The following TOMM34 variants were observed in gnomAD, a reference collection of about 807,000 sequenced individuals.
TOMM34 encodes mitochondrial import receptor subunit TOM34.
TOMM34 carries 24 observed loss-of-function variants against 37.4 expected under a neutral mutation model. The observed-to-expected ratio is 0.64, with a 90% CI of 0.46 to 0.90. The LOEUF (loss-of-function observed/expected upper bound fraction) is 0.90. Ranked by LOEUF, TOMM34 falls within the 40% of genes least tolerant of loss-of-function variation. TOMM34 has a pLI of 0.00. For missense variants in TOMM34, 304 were observed against 375.6 expected, an observed-to-expected ratio of 0.81 and a Z score of 1.58; for synonymous variants, 154 against 148.9, an observed-to-expected ratio of 1.03 and a Z score of -0.25.
At chr20:44,957,193 C>T (rs149264064) in intron 1 of TOMM34, among the ~76,000 whole-genome samples, 129 of 152,254 alleles carry the variant, frequency 8.5e-4, no homozygotes, top group African/African-American at 2.9e-3. Flanking sequence ...TCTTTATTTA[C>T]GTATTTTTTT....
intron 5 of TOMM34, among the ~76,000 whole-genome samples, chr20:44,945,535 C>T (rs1024278178): frequency 6.6e-6 from 1 of 152,210 alleles, no homozygotes; most frequent in Non-Finnish European, 1.5e-5. Flanking sequence ...AAGCCAACTA[C>T]TCTGAGGCCA....
chr20:44,956,436 T>C lies in TOMM34; in HGVS notation c.177A>G (p.Ala59=), dbSNP rs376968194. ...EESVLYSNRA[A]CHLKDGNCRD... is the part of the protein sequence containing the mutation. The stretch of plus-strand genomic sequence containing the variant: ...TGCAGTTTCCATCCTTCAAGTGACA[T>C]GCTGCTCGGTTGGAGTAGAGAACAC... Residue 59 remains alanine (A), a synonymous_variant, in exon 2 of 7, where the codon GCA becomes GCG. Transcript: ENST00000372813. 9 of 1,614,238 alleles carry C rather than the reference T, an allele frequency of 5.6e-6. No homozygotes were observed. Among genetic ancestry groups the C allele is most frequent in the Non-Finnish European group, 7.6e-6 (9 of 1,180,040 alleles).
intron 4 of TOMM34, among the ~76,000 whole-genome samples, chr20:44,950,817 A>C (rs576558008): frequency 3.9e-5 from 6 of 152,182 alleles, no homozygotes; most frequent in Non-Finnish European, 5.9e-5. Flanking sequence ...GCAGGGCTCC[A>C]TCTCTGATCC....
chr20:44,955,043 A>C, intron 3 of TOMM34, 25 bp downstream of exon 3: 1 of 1,612,492 alleles, frequency 6.2e-7, no homozygotes, highest in Non-Finnish European at 8.5e-7. Context: ...TGCCGTGGAG[A>C]CCACCTGCTG....
rs1448796202 is a variant in TOMM34, at chr20:44,958,162, GTGT to G, written c.128-1680_128-1678del. Among the ~76,000 whole-genome samples, 52 of 151,308 alleles carry G rather than the reference GTGT, an allele frequency of 3.4e-4. 2 individuals are homozygous for G. Among genetic ancestry groups the G allele is most frequent in the Admixed American group, 3.0e-3 (45 of 15,222 alleles). On this transcript the variant is annotated intron_variant, in intron 1 of 6. Coordinates refer to ENST00000372813, the MANE Select transcript of TOMM34 (RefSeq NM_006809.5). ...TATATATATGTGTGTGTGTGTGTGT[GTGT>G]TAACAGGAAAGATACCATTTTATGT...
intron 1 of TOMM34, chr20:44,959,865 T>A: frequency 2.4e-5 from 23 of 952,168 alleles, no homozygotes; most frequent in Non-Finnish European, 2.9e-5. Flanking sequence ...GAATGCGCTG[T>A]CCTTGAGAGA....
At chr20:44,955,287 T>G in intron 2 of TOMM34, 67 bp from the exon 3 acceptor site, 1 of 1,582,980 alleles carries the variant, frequency 6.3e-7, no homozygotes, top group Non-Finnish European at 8.6e-7. Flanking sequence ...TACAGTTTCT[T>G]CCAGGCAGGG....
In TOMM34 at chr20:44,942,301, T is replaced by C. The variant is rs2066942012; in HGVS notation, c.*808A>G. On this transcript the variant is annotated 3_prime_UTR_variant, in exon 7 of 7. Transcript: ENST00000372813. ...TCAATTCAAATTAACTTCAACATAT[T>C]ACAAAGAACTATGAAGCCCGGAGAA... is the stretch of plus-strand genomic sequence containing the variant. 1 of 152,156 alleles carries C rather than the reference T, an allele frequency of 6.6e-6. No homozygotes were observed. 9.4% of individuals were successfully genotyped at this position (152,156 alleles called of 1,614,324 possible).
chr20:44,945,278 GGA>G (rs1331661397), intron 5 of TOMM34, among the ~76,000 whole-genome samples: 4 of 152,072 alleles, frequency 2.6e-5, no homozygotes, highest in African/African-American at 9.7e-5. Context: ...ATAAATTAAC[GGA>G]GAGAAAAATC....
In TOMM34 at chr20:44,960,374, C is replaced by A. The variant is rs1437732861; in HGVS notation, c.-41G>T. ...GCGAGTTGGGAGCTCCTTCCTTCCT[C>A]CCCCGTGTGGTGCGGCACACCTTCC... is the stretch of plus-strand genomic sequence containing the variant. On this transcript the variant is annotated 5_prime_UTR_variant, in exon 1 of 7. Transcript: ENST00000372813. The A allele has an allele frequency of 1.3e-6, 2 of 1,515,222 alleles. No individual in the cohort carries two copies. Among genetic ancestry groups the A allele is most frequent in the Admixed American group, 2.0e-5 (1 of 49,824 alleles). 93.9% of individuals were successfully genotyped at this position (1,515,222 alleles called of 1,614,324 possible).
chr20:44,955,777 C>T (rs913795193), intron 2 of TOMM34, among the ~76,000 whole-genome samples: 2 of 152,226 alleles, frequency 1.3e-5, no homozygotes, highest in Admixed American at 6.5e-5. Context: ...AGTATGCTCA[C>T]ACCCCTCCTG....
chr20:44,948,898 G>A (rs2067003208), intron 4 of TOMM34, 21 bp from the exon 5 acceptor site: 1 of 1,611,852 alleles, frequency 6.2e-7, no homozygotes, highest in Non-Finnish European at 8.5e-7. Flanking sequence ...ATTCAGAAGA[G>A]GAAAAAAACC....
At position 44,960,392 on chromosome 20, in the gene TOMM34, C is replaced by G. The variant is rs1411850603; in HGVS notation, c.-59G>C. On this transcript the variant is annotated 5_prime_UTR_variant, in exon 1 of 7. Coordinates refer to ENST00000372813, the MANE Select transcript of TOMM34 (RefSeq NM_006809.5). ...CCTTCCTCCCCCGTGTGGTGCGGCA[C>G]ACCTTCCGGGCGCAAGCGCCGGCGG... The G allele has an allele frequency of 1.4e-6, 2 of 1,451,780 alleles. No individual in the cohort carries two copies. Among genetic ancestry groups the G allele is most frequent in the Non-Finnish European group, 1.8e-6 (2 of 1,097,980 alleles). The allele number at this position is 1,451,780 out of a possible 1,614,324, so 89.9% of individuals were successfully genotyped here.
At chr20:44,958,372 C>T in intron 1 of TOMM34, 1 of 471,576 alleles carries the variant, frequency 2.1e-6, no homozygotes, top group Middle Eastern at 3.2e-4. Flanking sequence ...TAGTAAAATA[C>T]ATCCTTGCCC....
intron 2 of TOMM34, chr20:44,955,583 G>A (rs999223490): frequency 2.2e-6 from 1 of 463,604 alleles, no homozygotes; most frequent in Admixed American, 2.3e-5. Context: ...ATGGGGTGGT[G>A]TCTGAATTCC....
intron 5 of TOMM34, among the ~76,000 whole-genome samples, chr20:44,947,013 G>C (rs538995211): frequency 8.5e-5 from 13 of 152,230 alleles, no homozygotes; most frequent in Admixed American, 2.0e-4. Flanking sequence ...GTGTGGCACA[G>C]ACACCTGCAT....
chr20:44,943,953 AAAAT>A (rs2066958557), intron 5 of TOMM34, among the ~76,000 whole-genome samples: 1 of 151,916 alleles, frequency 6.6e-6, no homozygotes, highest in Non-Finnish European at 1.5e-5. Context: ...GACAGATTAA[AAAAT>A]TATCTACTTT....
At position 44,944,948 on chromosome 20, in the gene TOMM34, G is replaced by A. The variant is rs527458641; in HGVS notation, c.699-1369C>T. Reference sequence around the variant, plus strand: ...TCTAACTTTTCCTTTAACGACTTCTGTAACATTTTTTTCCCTTCACATAAG... The same window carrying A: ...TCTAACTTTTCCTTTAACGACTTCTATAACATTTTTTTCCCTTCACATAAG... On this transcript the variant is annotated intron_variant, in intron 5 of 6. Coordinates refer to ENST00000372813, the MANE Select transcript of TOMM34 (RefSeq NM_006809.5). 2.0e-5 allele frequency among the ~76,000 whole-genome samples: 3 copies of A among 152,264 alleles called. No individual in the cohort carries two copies. In the East Asian group the frequency reaches 5.8e-4, roughly 29 times the overall value.
chr20:44,943,181 G>T lies in TOMM34; in HGVS notation c.858C>A (p.Asn286Lys). ...CATTCCTAGGCTCAATCTGTAGGAG[G>T]TTGCTGATGTCTGCAAAGCTGGATT... Reference protein sequence around the residue: ...DYKSSFADISNLLQIEPRNGP... With the variant: ...DYKSSFADISKLLQIEPRNGP... Residue 286 changes from asparagine to lysine, a missense_variant, in exon 7 of 7, where the codon AAC becomes AAA. Coordinates refer to ENST00000372813, the MANE Select transcript of TOMM34 (RefSeq NM_006809.5). 6.2e-7 allele frequency: 1 copy of T among 1,614,166 alleles called. No individual in the cohort carries two copies. The highest frequency in any genetic ancestry group is 1.1e-5 in the South Asian group (1 of 91,092).
Sources: gnomAD v4.1 joint callset for allele counts (sites outside exome capture counted in the v4.1 genomes callset) on GRCh38, gnomAD v4.1.1 for gene constraint, MANE v1.5 for transcripts, NCBI Gene and HGNC (gene_info 2026-07-23, HGNC 2026-07-21) for gene names.